TAFA5: variants seen among roughly 807,000 people sequenced by gnomAD.
TAFA5 encodes TAFA chemokine like family member 5, also known as chemokine-like protein TAFA-5.
In TAFA5, 6 loss-of-function variants were observed where a neutral mutation model predicts 15.3. The ratio of observed to expected loss-of-function variants is 0.39; its 90% CI spans 0.21 to 0.77. The LOEUF (loss-of-function observed/expected upper bound fraction) is 0.77, where lower values mean the gene tolerates loss of function less well. TAFA5 is among the 30% of genes least tolerant of loss of function. The probability of loss-of-function intolerance (pLI) is 0.41; values close to 1 mark genes in which losing one functional copy is unlikely to be tolerated. For synonymous variants in TAFA5, 103 were observed against 80.7 expected (o/e 1.28, Z -1.48); for missense variants, 161 against 193.1 (o/e 0.83, Z 0.98).
intron 2 of TAFA5, among the ~76,000 whole-genome samples, chr22:48,665,129 G>A (rs543389753): frequency 2.4e-4 from 37 of 152,296 alleles, no homozygotes; most frequent in Non-Finnish European, 3.5e-4. Flanking sequence ...CTGAGCCTAC[G>A]GTGTTTCGTG....
chr22:48,522,564 G>T (rs1213982111), intron 1 of TAFA5, among the ~76,000 whole-genome samples: 1 of 152,148 alleles, frequency 6.6e-6, no homozygotes, highest in Non-Finnish European at 1.5e-5. Context: ...GCGGGGCCAG[G>T]CAAGGTTAGG....
At chr22:48,507,978 C>T (rs925713625) in intron 1 of TAFA5, among the ~76,000 whole-genome samples, 6 of 152,182 alleles carry the variant, frequency 3.9e-5, no homozygotes, top group Non-Finnish European at 5.9e-5. Context: ...GGAGAACCAT[C>T]GCCCAGCCCC....
rs551426314 is a variant in TAFA5 at position 48,496,528 on chromosome 22, G to C, written c.112+6824G>C. On this transcript the variant is annotated intron_variant, in intron 1 of 3. Coordinates refer to ENST00000402357, the MANE Select transcript of TAFA5 (RefSeq NM_001082967.3). ...TCTATACAATGATGTCAACCCTGCA[G>C]GCAGAGGAGCCAGGGGAGTCAGGGA... 2.4e-4 allele frequency among the ~76,000 whole-genome samples: 36 copies of C among 152,352 alleles called. No homozygotes were observed. The South Asian group carries it at 7.5e-3, about 32-fold the overall frequency.
At position 48,652,615 on chromosome 22, in the gene TAFA5, C is replaced by T. The variant is rs373375179; in HGVS notation, c.262+5869C>T. ...TGGGCCCTCACCAAATCATCGAGGC[C>T]CTGATCTGAGGAAGGATAATGAAGC... is the stretch of plus-strand genomic sequence containing the variant. On this transcript the variant is annotated intron_variant, in intron 2 of 3. Coordinates refer to ENST00000402357, the MANE Select transcript of TAFA5 (RefSeq NM_001082967.3). Among the ~76,000 whole-genome samples the T allele has an allele frequency of 2.8e-4, 42 of 152,304 alleles. No homozygotes were observed. The East Asian group carries it at 7.1e-3, about 26-fold the overall frequency.
intron 1 of TAFA5, among the ~76,000 whole-genome samples, chr22:48,532,113 G>C (rs556130899): frequency 2.0e-5 from 3 of 152,200 alleles, no homozygotes; most frequent in East Asian, 3.9e-4. Flanking sequence ...GGAACCCCTT[G>C]GTGCTTTCTG....
chr22:48,646,248 G>C (rs547094310), intron 1 of TAFA5, among the ~76,000 whole-genome samples: 1 of 152,330 alleles, frequency 6.6e-6, no homozygotes, highest in South Asian at 2.1e-4. Flanking sequence ...GCAGGTGCCT[G>C]ATTGTGTGCA....
chr22:48,647,631 A>C (rs2147203165), intron 2 of TAFA5, among the ~76,000 whole-genome samples: 1 of 152,250 alleles, frequency 6.6e-6, no homozygotes, highest in Non-Finnish European at 1.5e-5. Flanking sequence ...TAGGCCCGGC[A>C]TTAAATCCAG....
At chr22:48,575,354 T>G (rs1434333984) in intron 1 of TAFA5, among the ~76,000 whole-genome samples, 5 of 150,206 alleles carry the variant, frequency 3.3e-5, no homozygotes, top group South Asian at 2.1e-4. Flanking sequence ...CGCGGCCCAG[T>G]GCGCATCCGC....
intron 2 of TAFA5, among the ~76,000 whole-genome samples, chr22:48,647,191 A>G (rs781663149): frequency 4.6e-5 from 7 of 152,136 alleles, no homozygotes; most frequent in Non-Finnish European, 8.8e-5. Flanking sequence ...AGACACTCTC[A>G]TGCCTAGACT....
chr22:48,544,981 G>A (rs1404052134), intron 1 of TAFA5: 12 of 429,690 alleles, frequency 2.8e-5, no homozygotes, highest in East Asian at 1.4e-4. Context: ...GGCAGCAGCC[G>A]CCTCTCCTTT....
At chr22:48,698,438 GTGGTGA>G (rs1412118159) in intron 2 of TAFA5, among the ~76,000 whole-genome samples, 2 of 151,874 alleles carry the variant, frequency 1.3e-5, no homozygotes, top group African/African-American at 4.8e-5. Context: ...GATGGTGGTG[GTGGTGA>G]TGGTGATGAT....
intron 1 of TAFA5, among the ~76,000 whole-genome samples, chr22:48,575,598 C>CCACCGGCACCGG (rs942230015): frequency 5.5e-5 from 8 of 146,338 alleles, no homozygotes; most frequent in African/African-American, 1.7e-4. Flanking sequence ...GGCGCGGCAG[C>CCACCGGCACCGG]CACCGGCACC....
chr22:48,598,129 C>G lies in TAFA5; in HGVS notation c.113-48468C>G, dbSNP rs942564643. On this transcript the variant is annotated intron_variant, in intron 1 of 3. Transcript: ENST00000402357. The surrounding 1 kb of genome is among the most constrained non-coding windows in gnomAD (Gnocchi z 4.0). ...CAGGCTGGAGACGCAGCGAGAGGTG[C>G]AGCTGGCGTCGTGAGGCCTCCGCTG... Among the ~76,000 whole-genome samples the G allele has an allele frequency of 6.6e-6, 1 of 152,208 alleles. No individual in the cohort carries two copies. The highest frequency in any genetic ancestry group is 1.5e-5 in the Non-Finnish European group (1 of 68,034).
At chr22:48,588,911 C>T (rs1011600036) in intron 1 of TAFA5, among the ~76,000 whole-genome samples, 1 of 152,228 alleles carries the variant, frequency 6.6e-6, no homozygotes, top group Admixed American at 6.5e-5. Flanking sequence ...ACAATACACA[C>T]TCTTCAAAGT....
intron 1 of TAFA5, among the ~76,000 whole-genome samples, chr22:48,638,716 CA>C (rs1450784748): frequency 2.1e-5 from 3 of 141,866 alleles, no homozygotes; most frequent in African/African-American, 5.5e-5. Context: ...ACACTGCACA[CA>C]GGGGGGACCC....
intron 2 of TAFA5, among the ~76,000 whole-genome samples, chr22:48,704,536 G>A (rs1017825946): frequency 4.6e-5 from 7 of 152,158 alleles, no homozygotes; most frequent in African/African-American, 1.4e-4. Flanking sequence ...GTTGGTGGAC[G>A]TGCAGCAGGT....
intron 1 of TAFA5, among the ~76,000 whole-genome samples, chr22:48,590,173 A>G (rs1237544149): frequency 1.3e-5 from 2 of 152,128 alleles, no homozygotes; most frequent in East Asian, 3.9e-4. Flanking sequence ...CGGAGGTGGA[A>G]TGCCACGGAG....
intron 3 of TAFA5, among the ~76,000 whole-genome samples, chr22:48,729,149 G>A (rs1569096732): frequency 6.6e-6 from 1 of 151,222 alleles, no homozygotes. Context: ...TAGGCACGCT[G>A]CTTAAAATAT....
rs1930462136 is a variant in TAFA5, at chr22:48,750,641, A to G, written c.*794A>G. 1 of 152,976 alleles carries G rather than the reference A, an allele frequency of 6.5e-6. No homozygotes were observed. The highest frequency in any genetic ancestry group is 2.4e-5 in the African/African-American group (1 of 41,476). The allele number at this position is 152,976 out of a possible 1,614,324, so 9.5% of individuals were successfully genotyped here. On this transcript the variant is annotated 3_prime_UTR_variant, in exon 4 of 4. Coordinates refer to ENST00000402357, the MANE Select transcript of TAFA5 (RefSeq NM_001082967.3). ...ACTAAAATCCCTTTCTGTTTTAACC[A>G]GTTAAACATGCCTCTTCTACAGCTC...
Sources: allele counts gnomAD v4.1 joint callset (sites outside exome capture counted in the v4.1 genomes callset), GRCh38; gene constraint gnomAD v4.1.1; non-coding constraint Gnocchi (gnomAD v3.1); transcripts MANE v1.5; gene names NCBI Gene and HGNC (gene_info 2026-07-23, HGNC 2026-07-21).